Variants in CENPP observed in about 807,000 individuals in gnomAD.
CENPP encodes the protein centromere protein P.
A neutral mutation model predicts 35.6 loss-of-function variants in CENPP; 24 were observed. The ratio of observed to expected loss-of-function variants is 0.67; its 90% CI spans 0.49 to 0.95. The LOEUF (loss-of-function observed/expected upper bound fraction) is 0.95, where lower values mean the gene tolerates loss of function less well. CENPP is among the 40% of genes least tolerant of loss of function. The pLI is 0.00. For synonymous variants in CENPP, 120 were observed against 125.5 expected (o/e 0.96, Z 0.29); for missense variants, 332 against 345.3 (o/e 0.96, Z 0.31).
chr9:92,434,110 A>T (rs965347226), intron 5 of CENPP, among the ~76,000 whole-genome samples: 2 of 151,848 alleles, frequency 1.3e-5, no homozygotes, highest in African/African-American at 4.8e-5. Context: ...ATAATTGGAG[A>T]CTGGGCGCGG....
rs550227612 is a variant in CENPP, at chr9:92,572,708, C to T, written c.565-38606C>T. ...TTTTCCAACTTGGTTCCATTCTCCC[C>T]GTCACTTTCAGGTACACCAATCAGA... On this transcript the variant is annotated intron_variant, in intron 5 of 7. Transcript: ENST00000375587. Among the ~76,000 whole-genome samples, 493 of 152,282 alleles carry T rather than the reference C, an allele frequency of 3.2e-3. 5 individuals are homozygous for T. In the Middle Eastern group the frequency reaches 0.034, roughly 11 times the overall value.
In CENPP at chr9:92,619,310, A is replaced by C. The variant is rs974692766; in HGVS notation, c.*6161A>C. 9 of 580,294 alleles carry C rather than the reference A, an allele frequency of 1.6e-5. No individual in the cohort carries two copies. Among genetic ancestry groups the C allele is most frequent in the Non-Finnish European group, 1.2e-5 (4 of 322,230 alleles). 35.9% of individuals were successfully genotyped at this position (580,294 alleles called of 1,614,324 possible). ...AAATCTGTCTTTTGACTGAATTACA[A>C]GCTTCTAGAGGGCGAGAGTTAGTAA... On this transcript the variant is annotated 3_prime_UTR_variant, in exon 8 of 8. Coordinates refer to ENST00000375587, the MANE Select transcript of CENPP (RefSeq NM_001012267.3).
intron 5 of CENPP, among the ~76,000 whole-genome samples, chr9:92,548,142 G>C (rs1004831253): frequency 3.3e-5 from 5 of 152,186 alleles, no homozygotes; most frequent in Non-Finnish European, 7.3e-5. Flanking sequence ...GATTGCTGCT[G>C]CATGTGTGTC....
chr9:92,558,426 C>T (rs1395157523), intron 5 of CENPP, among the ~76,000 whole-genome samples: 1 of 152,190 alleles, frequency 6.6e-6, no homozygotes, highest in Admixed American at 6.5e-5. Flanking sequence ...GGCCTAGCCA[C>T]CCAGTGAGTC....
At chr9:92,474,748 A>ATCG (rs1845649821) in intron 5 of CENPP, 4 of 1,030,394 alleles carry the variant, frequency 3.9e-6, no homozygotes, top group Non-Finnish European at 5.4e-6. Flanking sequence ...TGTCCTCATC[A>ATCG]TCATCATCAT....
intron 4 of CENPP, among the ~76,000 whole-genome samples, chr9:92,376,014 G>T (rs1339959180): frequency 6.6e-6 from 1 of 152,108 alleles, no homozygotes; most frequent in Non-Finnish European, 1.5e-5. Context: ...GTGCATTTTG[G>T]TTCTGTATGG....
intron 5 of CENPP, chr9:92,517,857 A>G: frequency 2.5e-6 from 4 of 1,614,162 alleles, no homozygotes; most frequent in Non-Finnish European, 3.4e-6. Context: ...GCCCTTTACC[A>G]AACAGTGTCC....
chr9:92,508,308 G>A (rs751024763), intron 5 of CENPP, among the ~76,000 whole-genome samples: 6 of 152,208 alleles, frequency 3.9e-5, no homozygotes, highest in Admixed American at 6.5e-5. Flanking sequence ...GAGGCTCCTC[G>A]GGTGCTCGGA....
chr9:92,535,014 G>A (rs1389635685), intron 5 of CENPP, among the ~76,000 whole-genome samples: 2 of 152,134 alleles, frequency 1.3e-5, no homozygotes, highest in Non-Finnish European at 2.9e-5. Context: ...GAGTGCTTAG[G>A]AGTGTGAATG....
At chr9:92,335,985 T>G (rs370052816) in intron 2 of CENPP, among the ~76,000 whole-genome samples, 5 of 152,250 alleles carry the variant, frequency 3.3e-5, no homozygotes, top group African/African-American at 1.2e-4. Flanking sequence ...AACTGACATC[T>G]TAACCATAGT....
intron 5 of CENPP, among the ~76,000 whole-genome samples, chr9:92,486,019 T>C (rs995397027): frequency 5.9e-5 from 9 of 152,178 alleles, no homozygotes; most frequent in African/African-American, 2.2e-4. Context: ...TCTTTTATAG[T>C]AGTAGCTACA....
intron 1 of CENPP, among the ~76,000 whole-genome samples, chr9:92,330,344 G>A (rs1251574265): frequency 6.6e-6 from 1 of 152,282 alleles, no homozygotes; most frequent in East Asian, 1.9e-4. Flanking sequence ...CATGGTTAGA[G>A]GTATATTTTA....
At chr9:92,376,463 A>T (rs1276907059) in intron 4 of CENPP, among the ~76,000 whole-genome samples, 1 of 152,188 alleles carries the variant, frequency 6.6e-6, no homozygotes, top group African/African-American at 2.4e-5. Context: ...TTAAGAGTGG[A>T]TATTTAATAG....
chr9:92,557,984 T>C (rs1849763980), intron 5 of CENPP, among the ~76,000 whole-genome samples: 1 of 152,002 alleles, frequency 6.6e-6, no homozygotes, highest in Non-Finnish European at 1.5e-5. Context: ...GTTTCCTGAG[T>C]TTTTTATTGT....
intron 5 of CENPP, among the ~76,000 whole-genome samples, chr9:92,457,728 G>T (rs901671931): frequency 1.3e-5 from 2 of 150,708 alleles, no homozygotes; most frequent in African/African-American, 5.0e-5. Context: ...AGAGCATACT[G>T]CCTGGTCACA....
At chr9:92,415,412 G>A (rs1486048291) in intron 5 of CENPP, 12 of 1,613,370 alleles carry the variant, frequency 7.4e-6, no homozygotes, top group East Asian at 4.5e-5. Flanking sequence ...TGGTCCACAC[G>A]AATGTATGTT....
intron 5 of CENPP, chr9:92,417,607 A>C (rs1423996685): frequency 6.2e-6 from 7 of 1,137,502 alleles, no homozygotes; most frequent in Non-Finnish European, 8.7e-6. Flanking sequence ...CATTGTGGAG[A>C]AAGTGAGTAA....
At chr9:92,494,233 C>T in intron 5 of CENPP, 1 of 1,428,800 alleles carries the variant, frequency 7.0e-7, no homozygotes, top group Non-Finnish European at 9.6e-7. Context: ...GTTCTGCTGA[C>T]TCACCTTATT....
intron 5 of CENPP, among the ~76,000 whole-genome samples, chr9:92,439,916 C>G (rs1021794123): frequency 1.3e-5 from 2 of 152,106 alleles, no homozygotes; most frequent in African/African-American, 4.8e-5. Context: ...TATGTTTATT[C>G]AAGTTAATAT....
Sources: allele counts gnomAD v4.1 joint callset (sites outside exome capture counted in the v4.1 genomes callset), GRCh38; gene constraint gnomAD v4.1.1; transcripts MANE v1.5; gene names NCBI Gene and HGNC (gene_info 2026-07-23, HGNC 2026-07-21).